Variants in CDH15 observed in about 807,000 individuals in gnomAD.
CDH15 encodes the protein cadherin-15.
Under a neutral mutation model 69.4 loss-of-function variants are expected in CDH15, and 73 were observed. The observed-to-expected ratio is 1.05, with a 90% confidence interval of 0.87 to 1.28. CDH15 has a LOEUF of 1.28. Among genes scored for constraint, CDH15 ranks in the 50% most tolerant of loss-of-function variants. CDH15 has a pLI of 0.00. For synonymous variants in CDH15, 624 were observed against 507.7 expected, an observed-to-expected ratio of 1.23 and a Z score of -3.08; for missense variants, 1,343 against 1,133.6, an observed-to-expected ratio of 1.18 and a Z score of -2.65.
Position 89,193,460 on chromosome 16 carries a change from C to T in CDH15, c.1856-10C>T. On this transcript the variant is annotated splice_polypyrimidine_tract_variant and intron_variant, in intron 11 of 13. Transcript: ENST00000289746. Reference sequence around the variant, plus strand: ...TGCCTGGCCCCAGCCTGCGTCCCCTCATTCCCCAGTGCTGGTCCTGCTCGT... The same window carrying T: ...TGCCTGGCCCCAGCCTGCGTCCCCTTATTCCCCAGTGCTGGTCCTGCTCGT... The T allele has an allele frequency of 1.2e-6, 2 of 1,605,118 alleles. No homozygotes were observed. Among genetic ancestry groups the T allele is most frequent in the Non-Finnish European group, 1.7e-6 (2 of 1,175,410 alleles).
intron 1 of CDH15, among the ~76,000 whole-genome samples, chr16:89,175,778 C>T (rs1915243990): frequency 6.6e-6 from 1 of 152,192 alleles, no homozygotes; most frequent in Non-Finnish European, 1.5e-5. Flanking sequence ...CCGGCAGGGT[C>T]CCCTGCCTGG....
At chr16:89,173,953 C>T (rs547321841) in intron 1 of CDH15, among the ~76,000 whole-genome samples, 11 of 152,236 alleles carry the variant, frequency 7.2e-5, no homozygotes, top group Non-Finnish European at 1.6e-4. Context: ...GTCCCCACTT[C>T]TGCATCTGGG....
At position 89,171,762 on chromosome 16, in the gene CDH15, C is replaced by T; in HGVS notation, c.-70C>T. 2 of 1,476,794 alleles carry T rather than the reference C, an allele frequency of 1.4e-6. No individual in the cohort carries two copies. Among genetic ancestry groups the T allele is most frequent in the South Asian group, 2.4e-5 (2 of 82,348 alleles). The allele number at this position is 1,476,794 out of a possible 1,614,324, so 91.5% of individuals were successfully genotyped here. ...CCCTGGCCCGCCCCGCGCACTTGCG[C>T]TGTCACTCAGCCTGGACGCGCTTCT... is the stretch of plus-strand genomic sequence containing the variant. On this transcript the variant is annotated 5_prime_UTR_variant, in exon 1 of 14. Transcript: ENST00000289746.
At position 89,194,803 on chromosome 16, in the gene CDH15, G is replaced by A. The variant is rs563171263; in HGVS notation, c.2152-59G>A. The A allele has an allele frequency of 1.2e-4, 180 of 1,522,488 alleles. No homozygotes were observed. In the African/African-American group the frequency reaches 1.7e-3, roughly 14 times the overall value. The allele number at this position is 1,522,488 out of a possible 1,614,324, so 94.3% of individuals were successfully genotyped here. A position where few individuals can be genotyped will look rare whatever the true frequency, so the allele number is the denominator to read the frequency against. Reference sequence around the variant, plus strand: ...TGACTTTGCCCTGGGCTGTGGCCACGGCGGTGGGGCACCCGCTGGCCCCTC... The same window carrying A: ...TGACTTTGCCCTGGGCTGTGGCCACAGCGGTGGGGCACCCGCTGGCCCCTC... On this transcript the variant is annotated intron_variant, in intron 13 of 13. Coordinates refer to ENST00000289746, the MANE Select transcript of CDH15 (RefSeq NM_004933.3).
At position 89,190,461 on chromosome 16, in the gene CDH15, C is replaced by A; in HGVS notation, c.1197C>A (p.Ala399=). ...GCACTCTGGTGGCCACCTTCTCTGC[C>A]CGGGACCCTGACACAGAGCAGCTGC... is the stretch of plus-strand genomic sequence containing the variant. ...PPGTLVATFS[A]RDPDTEQLQR... is the part of the protein sequence containing the mutation. The change falls in exon 8 of 14, where the codon GCC becomes GCA. Residue 399 remains alanine (A), a synonymous_variant. Coordinates refer to ENST00000289746, the MANE Select transcript of CDH15 (RefSeq NM_004933.3). The A allele has an allele frequency of 6.2e-7, 1 of 1,601,738 alleles. No homozygotes were observed. The highest frequency in any genetic ancestry group is 2.2e-5 in the East Asian group (1 of 44,468).
chr16:89,183,187 A>AAC, intron 3 of CDH15: 1 of 208,190 alleles, frequency 4.8e-6, no homozygotes. Context: ...TATCTCAAAA[A>AAC]AAAAAACAAA....
At chr16:89,190,172 C>T (rs1334703239) in intron 7 of CDH15, 71 bp from the exon 8 acceptor site, 3 of 1,574,112 alleles carry the variant, frequency 1.9e-6, no homozygotes, top group Non-Finnish European at 1.7e-6. Flanking sequence ...GGAGTGGCTC[C>T]CCCATGGCAC....
In CDH15 at chr16:89,191,391, C is replaced by G. The variant is rs757488105; in HGVS notation, c.1294C>G (p.Gln432Glu). The change falls in exon 9 of 14, where the codon CAG becomes GAG. Residue 432 changes from glutamine to glutamate, a missense_variant. Gln to Glu is a conservative substitution (Grantham distance 29, BLOSUM62 2). Transcript: ENST00000289746. Reference protein sequence around the residue: ...LQVDAATGRIQTQHVLSPASP... With the variant: ...LQVDAATGRIETQHVLSPASP... The stretch of plus-strand genomic sequence containing the variant: ...AGTGGACGCAGCCACTGGCCGGATC[C>G]AGACCCAGCACGTGCTCAGCCCGGC... The G allele has an allele frequency of 1.2e-5, 19 of 1,612,704 alleles. No individual in the cohort carries two copies. The highest frequency in any genetic ancestry group is 1.2e-5 in the Non-Finnish European group (14 of 1,180,000).
Position 89,194,988 on chromosome 16 carries a change from G to T in CDH15, c.2278G>T (p.Asp760Tyr). The T allele has an allele frequency of 6.2e-7, 1 of 1,611,830 alleles. No individual in the cohort carries two copies. The highest frequency in any genetic ancestry group is 8.5e-7 in the Non-Finnish European group (1 of 1,179,608). Residue 760 changes from aspartate to tyrosine, a missense_variant, in exon 14 of 14, where the codon GAC becomes TAC. Transcript: ENST00000289746. ...CATCCTGTCCAGCCAGGGCGATGAG[G>T]ACCAGGACTACGACTACCTCAGAGA... Reference protein sequence around the residue: ...SSILSSQGDEDQDYDYLRDWG... With the variant: ...SSILSSQGDEYQDYDYLRDWG...
At chr16:89,189,394 C>T (rs1915589253) in intron 7 of CDH15, among the ~76,000 whole-genome samples, 1 of 152,244 alleles carries the variant, frequency 6.6e-6, no homozygotes, top group Admixed American at 6.5e-5. Flanking sequence ...GATGCCCACA[C>T]ACAGATGCCC....
At chr16:89,176,746 CG>C (rs1488488511) in intron 1 of CDH15, among the ~76,000 whole-genome samples, 1 of 152,134 alleles carries the variant, frequency 6.6e-6, no homozygotes, top group East Asian at 1.9e-4. Flanking sequence ...AGGAGCAGGC[CG>C]CGAAGATGGT....
intron 13 of CDH15, 116 bp downstream of exon 13, chr16:89,194,029 C>T (rs1410711229): frequency 8.4e-6 from 10 of 1,190,202 alleles, no homozygotes; most frequent in Non-Finnish European, 9.6e-6. Flanking sequence ...CACTTATGGG[C>T]CGTCCCAGAG....
At position 89,193,545 on chromosome 16, in the gene CDH15, A is replaced by G. The variant is rs1915708771; in HGVS notation, c.1931A>G (p.Gln644Arg). 6.2e-7 allele frequency: 1 copy of G among 1,611,420 alleles called. No homozygotes were observed. The highest frequency in any genetic ancestry group is 1.7e-5 in the Admixed American group (1 of 59,900). Residue 644 changes from glutamine (Q) to arginine (R), a missense_variant, in exon 12 of 14, where the codon CAG (glutamine) becomes CGG (arginine). Transcript: ENST00000289746. ...SRGKGLLHGP[Q>R]DDLRDNVLNY... Reference sequence around the variant, plus strand: ...GGCAAGGGGCTGCTGCACGGCCCCCAGGACGACCTTCGAGACAATGTCCTC... The same window carrying G: ...GGCAAGGGGCTGCTGCACGGCCCCCGGGACGACCTTCGAGACAATGTCCTC...
At chr16:89,176,212 C>T (rs923050974) in intron 1 of CDH15, among the ~76,000 whole-genome samples, 1 of 152,254 alleles carries the variant, frequency 6.6e-6, no homozygotes, top group Non-Finnish European at 1.5e-5. Context: ...CTCTCAAGGC[C>T]ACATGCCCCC....
chr16:89,187,321 G>A, intron 5 of CDH15, 108 bp from the exon 6 acceptor site: 1 of 1,338,600 alleles, frequency 7.5e-7, no homozygotes, highest in Non-Finnish European at 1.0e-6. Flanking sequence ...CCCACTGGGT[G>A]CTCCCGTAGG....
At chr16:89,189,343 C>CGG (rs71387685) in intron 7 of CDH15, among the ~76,000 whole-genome samples, 14,987 of 124,524 alleles carry the variant, frequency 0.12, 1,113 homozygotes, top group Non-Finnish European at 0.15. Flanking sequence ...ACACAGATGC[C>CGG]CACACACAGA....
chr16:89,193,248 C>T (rs1040688583), intron 11 of CDH15, among the ~76,000 whole-genome samples: 1 of 140,276 alleles, frequency 7.1e-6, no homozygotes, highest in Non-Finnish European at 1.5e-5. Flanking sequence ...GCCAAGCTCC[C>T]TCCTCCACAA....
intron 13 of CDH15, among the ~76,000 whole-genome samples, chr16:89,194,491 G>A (rs972607834): frequency 3.0e-4 from 46 of 152,200 alleles, no homozygotes; most frequent in Non-Finnish European, 4.4e-5. Flanking sequence ...AAGGCAGACG[G>A]GCCGTTCTGC....
At chr16:89,188,814 GCACACAGATGCCCACGCACAGGTGCCCA>G (rs746808117) in intron 7 of CDH15, among the ~76,000 whole-genome samples, 20,114 of 88,750 alleles carry the variant, frequency 0.23, 2,134 homozygotes, top group East Asian at 0.28. Context: ...ACACATGCTG[GCACACAGATGCCCACGCACAGGTGCCCA>G]CACACAGATG....
Sources: allele counts gnomAD v4.1 joint callset (sites outside exome capture counted in the v4.1 genomes callset), GRCh38; gene constraint gnomAD v4.1.1; transcripts MANE v1.5; gene names NCBI Gene and HGNC (gene_info 2026-07-23, HGNC 2026-07-21).